Variants in CYTIP observed in about 807,000 individuals in gnomAD.
The protein encoded by CYTIP is cytohesin 1 interacting protein.
A neutral mutation model predicts 43.8 loss-of-function variants in CYTIP; 26 were observed. That is an observed-to-expected ratio of 0.59 (90% CI 0.44 to 0.82). The LOEUF (loss-of-function observed/expected upper bound fraction) is 0.82, where lower values mean the gene tolerates loss of function less well. CYTIP is among the 40% of genes least tolerant of loss of function. CYTIP has a pLI of 0.00. For synonymous variants in CYTIP, 162 were observed against 162.9 expected (o/e 0.99, Z 0.04); for missense variants, 426 against 443.1 (o/e 0.96, Z 0.35).
In CYTIP at chr2:157,415,783, A is replaced by G; in HGVS notation, c.974T>C (p.Phe325Ser). 1.2e-6 allele frequency: 2 copies of G among 1,614,248 alleles called. No individual in the cohort carries two copies. Among genetic ancestry groups the G allele is most frequent in the Non-Finnish European group, 1.7e-6 (2 of 1,180,046 alleles). ...TCTGCTCTTCCGGGGCAGGGTCCCA[A>G]ACATGCTTGATAAGTTGCCCTCCCA... Reference protein sequence around the residue: ...PLWEGNLSSMFGTLPRKSRKG... With the variant: ...PLWEGNLSSMSGTLPRKSRKG... Residue 325 changes from phenylalanine to serine, a missense_variant, in exon 8 of 8, where the codon TTT (phenylalanine) becomes TCT (serine). By Grantham distance (155) the Phe-to-Ser change is radical (BLOSUM62 -2). Coordinates refer to ENST00000264192, the MANE Select transcript of CYTIP (RefSeq NM_004288.5).
chr2:157,419,878 A>G (rs1418085176), intron 6 of CYTIP, among the ~76,000 whole-genome samples: 4 of 152,272 alleles, frequency 2.6e-5, no homozygotes, highest in Non-Finnish European at 5.9e-5. Context: ...GTCTTCAAAG[A>G]TTGAACAATA....
intron 6 of CYTIP, among the ~76,000 whole-genome samples, chr2:157,423,393 A>C (rs1249771148): frequency 6.6e-6 from 1 of 151,972 alleles, no homozygotes; most frequent in African/African-American, 2.4e-5. Flanking sequence ...CATCAGAATA[A>C]TATTTTACTG....
intron 6 of CYTIP, among the ~76,000 whole-genome samples, chr2:157,424,063 A>G (rs1205012110): frequency 2.0e-5 from 3 of 152,202 alleles, no homozygotes; most frequent in African/African-American, 7.2e-5. Flanking sequence ...ATCAAGAATA[A>G]AACAAGGATG....
intron 1 of CYTIP, 65 bp from the exon 2 acceptor site, chr2:157,434,812 ATCTCTCTC>A (rs113065609): frequency 0.017 from 6,892 of 414,610 alleles, 108 homozygotes; most frequent in African/African-American, 0.042. Context: ...AATGTTCTAA[ATCTCTCTC>A]TCTCTCTCTC....
At chr2:157,423,659 C>T (rs988528596) in intron 6 of CYTIP, among the ~76,000 whole-genome samples, 7 of 151,834 alleles carry the variant, frequency 4.6e-5, no homozygotes, top group Admixed American at 4.6e-4. Flanking sequence ...GATACCAAAA[C>T]TTAAAAAGAT....
intron 1 of CYTIP, among the ~76,000 whole-genome samples, chr2:157,440,321 G>A (rs936959602): frequency 2.0e-5 from 3 of 152,150 alleles, no homozygotes; most frequent in African/African-American, 7.2e-5. Flanking sequence ...GACGTTAAGT[G>A]CCCGGAGAAA....
chr2:157,417,406 C>T (rs1018006779), intron 7 of CYTIP, among the ~76,000 whole-genome samples: 2 of 152,088 alleles, frequency 1.3e-5, no homozygotes, highest in African/African-American at 4.8e-5. Flanking sequence ...AGGATCCTGA[C>T]CTAACAATGT....
intron 3 of CYTIP, among the ~76,000 whole-genome samples, chr2:157,431,998 A>G (rs1685720501): frequency 6.6e-6 from 1 of 152,220 alleles, no homozygotes; most frequent in African/African-American, 2.4e-5. Context: ...GGACTTTAAA[A>G]GATCATGCAC....
chr2:157,417,536 G>A (rs1685456200), intron 7 of CYTIP, among the ~76,000 whole-genome samples: 1 of 152,082 alleles, frequency 6.6e-6, no homozygotes, highest in Non-Finnish European at 1.5e-5. Context: ...GCAAGGAGGT[G>A]GCTGAATTTA....
chr2:157,442,936 G>A (rs1306493102), intron 1 of CYTIP, among the ~76,000 whole-genome samples: 4 of 152,118 alleles, frequency 2.6e-5, no homozygotes, highest in Admixed American at 6.6e-5. Context: ...ATTCAAATAT[G>A]TACCTGGGGA....
chr2:157,428,694 C>A (rs1306807913), intron 5 of CYTIP, among the ~76,000 whole-genome samples: 2 of 152,186 alleles, frequency 1.3e-5, no homozygotes, highest in Non-Finnish European at 2.9e-5. Flanking sequence ...ACCAGCAGTT[C>A]CCCTCAGACT....
Position 157,420,613 on chromosome 2 carries a change from T to C in CYTIP, c.547-2024A>G, listed in dbSNP as rs949111200. ...TTACAGTGAGCTATGATCATGCTAC[T>C]GCACTCCAGCATGGGCAATAGGGTA... On this transcript the variant is annotated intron_variant, in intron 6 of 7. Transcript: ENST00000264192. Among the ~76,000 whole-genome samples, 33 of 125,894 alleles carry C rather than the reference T, an allele frequency of 2.6e-4. 1 individual carries two copies. Among genetic ancestry groups the C allele is most frequent in the African/African-American group, 9.2e-4 (30 of 32,512 alleles). 82.6% of individuals were successfully genotyped at this position (125,894 alleles called of 152,430 possible). A position where few individuals can be genotyped will look rare whatever the true frequency, so the allele number is the denominator to read the frequency against.
At chr2:157,430,683 G>C (rs747269539) in intron 4 of CYTIP, 31 bp from the exon 5 acceptor site, 42 of 1,591,422 alleles carry the variant, frequency 2.6e-5, no homozygotes, top group Non-Finnish European at 3.5e-5. Context: ...TGAGTGTTAT[G>C]TTGGTTAGTT....
chr2:157,435,921 G>A (rs1483588777), intron 1 of CYTIP, among the ~76,000 whole-genome samples: 1 of 152,170 alleles, frequency 6.6e-6, no homozygotes, highest in African/African-American at 2.4e-5. Context: ...CATTAGGAGT[G>A]AAGCCTACAT....
At position 157,433,305 on chromosome 2, in the gene CYTIP, C is replaced by A. The variant is rs16841760; in HGVS notation, c.279+1065G>T. On this transcript the variant is annotated intron_variant, in intron 3 of 7. Coordinates refer to ENST00000264192, the MANE Select transcript of CYTIP (RefSeq NM_004288.5). The stretch of plus-strand genomic sequence containing the variant: ...TACTGTGGTGAATTACAGATTCCTC[C>A]AAATTTAAAAGTACAGGAGTTAGGA... Among the ~76,000 whole-genome samples the A allele has an allele frequency of 7.4e-3, 1,133 of 152,218 alleles. 11 individuals carry two copies. Among genetic ancestry groups the A allele is most frequent in the African/African-American group, 0.025 (1,034 of 41,538 alleles).
At chr2:157,425,952 T>C (rs1685598890) in intron 6 of CYTIP, among the ~76,000 whole-genome samples, 2 of 151,986 alleles carry the variant, frequency 1.3e-5, no homozygotes, top group South Asian at 2.1e-4. Context: ...ATAAATTAGT[T>C]TCAATAATTG....
At chr2:157,432,740 T>G (rs774905749) in intron 3 of CYTIP, among the ~76,000 whole-genome samples, 1 of 152,196 alleles carries the variant, frequency 6.6e-6, no homozygotes, top group South Asian at 2.1e-4. Flanking sequence ...TCACACTGCA[T>G]GCACAATATG....
intron 5 of CYTIP, among the ~76,000 whole-genome samples, chr2:157,428,040 A>T (rs1685641827): frequency 6.6e-6 from 1 of 152,244 alleles, no homozygotes; most frequent in Admixed American, 6.5e-5. Context: ...ATCTCAAAAC[A>T]TTCAGTTTAC....
chr2:157,433,797 A>C (rs16841762), intron 3 of CYTIP, among the ~76,000 whole-genome samples: 8,947 of 152,278 alleles, frequency 0.059, 348 homozygotes, highest in Admixed American at 0.12. Flanking sequence ...GTAGAGCCAA[A>C]TGTTCTCAAG....
Sources: gnomAD v4.1 joint callset for allele counts (sites outside exome capture counted in the v4.1 genomes callset) on GRCh38, gnomAD v4.1.1 for gene constraint, MANE v1.5 for transcripts, NCBI Gene and HGNC (gene_info 2026-07-23, HGNC 2026-07-21) for gene names.